Variants in RBM45 observed in about 807,000 individuals in gnomAD.
RBM45 encodes RNA binding motif protein 45.
In RBM45, 39 loss-of-function variants were observed where a neutral mutation model predicts 58.5. The ratio of observed to expected loss-of-function variants is 0.67; its 90% confidence interval spans 0.52 to 0.87. RBM45 has a LOEUF of 0.87. Ranked by LOEUF, RBM45 falls within the 40% of genes least tolerant of loss-of-function variation. The pLI, the probability that RBM45 is intolerant of heterozygous loss-of-function variation, is 0.00. For missense variants in RBM45, 481 were observed against 581.6 expected (o/e 0.83, Z 1.78); for synonymous variants, 193 against 203.0 (o/e 0.95, Z 0.42).
chr2:178,113,271 C>T (rs538776155), intron 1 of RBM45, among the ~76,000 whole-genome samples: 1 of 152,294 alleles, frequency 6.6e-6, no homozygotes, highest in South Asian at 2.1e-4. Flanking sequence ...TCTACTTTTC[C>T]TCAGGTACAG....
chr2:178,123,682 G>T, intron 6 of RBM45, 31 bp downstream of exon 6: 3 of 1,587,392 alleles, frequency 1.9e-6, no homozygotes, highest in South Asian at 2.3e-5. Flanking sequence ...GTCTAAAGCC[G>T]AGCTTTGAGT....
chr2:178,128,746 C>T (rs1348067776), intron 9 of RBM45, among the ~76,000 whole-genome samples: 1 of 152,138 alleles, frequency 6.6e-6, no homozygotes, highest in East Asian at 1.9e-4. Flanking sequence ...TTTTGAATTT[C>T]TTCTAATTGC....
chr2:178,120,865 A>C (rs2087840566), intron 4 of RBM45: 1 of 212,534 alleles, frequency 4.7e-6, no homozygotes, highest in Admixed American at 5.8e-5. Flanking sequence ...AATGAAAGTA[A>C]GGCCTGTGAA....
At chr2:178,121,437 CACACA>C in intron 5 of RBM45, 78 bp downstream of exon 5, 1 of 658,484 alleles carries the variant, frequency 1.5e-6, no homozygotes, top group Non-Finnish European at 2.2e-6. Context: ...CACACACACA[CACACA>C]CAGAGTTTTG....
Position 178,122,873 on chromosome 2 carries a change from G to A in RBM45, c.854-649G>A, listed in dbSNP as rs930564737. On this transcript the variant is annotated intron_variant, in intron 5 of 9. Coordinates refer to ENST00000286070, the MANE Select transcript of RBM45 (RefSeq NM_152945.4). ...CCCCAGTGGTTTGTATTATAAAAGT[G>A]AAAACCTTTTAGTTGTGTCACAAAC... is the stretch of plus-strand genomic sequence containing the variant. Among the ~76,000 whole-genome samples the A allele has an allele frequency of 1.6e-4, 24 of 152,178 alleles. No homozygotes were observed. The South Asian group carries it at 1.9e-3, about 12-fold the overall frequency.
At chr2:178,138,044 A>G (rs2088059141) in exon 4 of RBM45, 1 of 152,186 alleles carries the variant, frequency 6.6e-6, no homozygotes, top group African/African-American at 2.4e-5. Flanking sequence ...AGCTAAATTA[A>G]TATTTGAGTC....
chr2:178,118,343 G>A (rs984386977), intron 3 of RBM45, among the ~76,000 whole-genome samples, 162 bp downstream of exon 3: 2 of 152,202 alleles, frequency 1.3e-5, no homozygotes, highest in East Asian at 3.9e-4. Context: ...ATATTTTGGG[G>A]TTATGATTAA....
At chr2:178,121,467 C>T in intron 5 of RBM45, 108 bp downstream of exon 5, 1 of 551,726 alleles carries the variant, frequency 1.8e-6, no homozygotes. Context: ...AATGGCTTTT[C>T]TCTAGTGGCA....
At chr2:178,133,174 A>T (rs959284272), downstream of RBM45, among the ~76,000 whole-genome samples, 6 of 152,254 alleles carry the variant, frequency 3.9e-5, no homozygotes, top group Non-Finnish European at 7.3e-5. Flanking sequence ...AGTTAATATC[A>T]GTAAATATGA....
chr2:178,130,429 G>A (rs1026954610), downstream of RBM45, among the ~76,000 whole-genome samples: 1 of 152,250 alleles, frequency 6.6e-6, no homozygotes, highest in African/African-American at 2.4e-5. Context: ...GAAAGCTGAA[G>A]CGGAAGGATT....
chr2:178,116,725 C>T (rs753043129), intron 2 of RBM45, among the ~76,000 whole-genome samples: 3 of 152,136 alleles, frequency 2.0e-5, no homozygotes, highest in East Asian at 1.9e-4. Flanking sequence ...CCCAGGCTGT[C>T]GGAGTCTGGA....
chr2:178,124,299 G>GT lies in RBM45; in HGVS notation c.1232+11dup, dbSNP rs548948475. 243 of 1,487,850 alleles carry GT rather than the reference G, an allele frequency of 1.6e-4. 3 individuals are homozygous for GT. In the East Asian group the frequency reaches 5.6e-3, roughly 34 times the overall value. 92.2% of individuals were successfully genotyped at this position (1,487,850 alleles called of 1,614,324 possible). A position where few individuals can be genotyped will look rare whatever the true frequency, so the allele number is the denominator to read the frequency against. ...TTAGAAGATATATTCTGGTAAGAAA[G>GT]TTACATTTTTTGTTATATTTTATTT... On this transcript the variant is annotated intron_variant, in intron 8 of 9. Coordinates refer to ENST00000286070, the MANE Select transcript of RBM45 (RefSeq NM_152945.4).
rs1179591414 is a variant in RBM45, at chr2:178,123,826, A to C, written c.984-2A>C. Reference sequence around the variant, plus strand: ...CTGTAAATTATCAGTTATTTTTTCCAGTCTCCTTAGAAAAATGGCAACACA... The same window carrying C: ...CTGTAAATTATCAGTTATTTTTTCCCGTCTCCTTAGAAAAATGGCAACACA... On this transcript the variant is annotated splice_acceptor_variant, in intron 6 of 9. Coordinates refer to ENST00000286070, the MANE Select transcript of RBM45 (RefSeq NM_152945.4). LOFTEE classifies it high-confidence loss of function. 6.2e-7 allele frequency: 1 copy of C among 1,613,342 alleles called. No homozygotes were observed.
intron 9 of RBM45, among the ~76,000 whole-genome samples, chr2:178,127,616 G>T (rs1406660051): frequency 6.6e-6 from 1 of 152,086 alleles, no homozygotes; most frequent in Admixed American, 6.5e-5. Context: ...CACTCTCATT[G>T]TACCATACAT....
intron 3 of RBM45, 76 bp downstream of exon 3, chr2:178,118,257 G>GCAAAAACTAATATTAAA: frequency 7.2e-7 from 1 of 1,395,076 alleles, no homozygotes; most frequent in Non-Finnish European, 9.7e-7. Context: ...TTTAATATTA[G>GCAAAAACTAATATTAAA]TTTTTGCTAA....
chr2:178,137,476 A>G (rs2088054498), exon 4 of RBM45: 1 of 152,192 alleles, frequency 6.6e-6, no homozygotes, highest in Non-Finnish European at 1.5e-5. Context: ...AACAACCCCA[A>G]TGTCCATGAA....
In RBM45 at chr2:178,120,371, C is replaced by A; in HGVS notation, c.635C>A (p.Ala212Asp). The part of the protein sequence containing the change: ...QDYYSNMRQE[A>D]LGHEPRVNMF... ...TATTATAGTAATATGAGGCAAGAAGCTTTGGGACATGAACCTAGAGTAAAT... is the reference window on the plus strand; with the variant it reads ...TATTATAGTAATATGAGGCAAGAAGATTTGGGACATGAACCTAGAGTAAAT... The change falls in exon 4 of 10, where the codon GCT becomes GAT. Residue 212 changes from alanine (A) to aspartate (D), a missense_variant. Coordinates refer to ENST00000286070, the MANE Select transcript of RBM45 (RefSeq NM_152945.4). 1.9e-6 allele frequency: 3 copies of A among 1,613,006 alleles called. No individual in the cohort carries two copies. Among genetic ancestry groups the A allele is most frequent in the Non-Finnish European group, 2.5e-6 (3 of 1,179,454 alleles).
intron 1 of RBM45, among the ~76,000 whole-genome samples, chr2:178,114,812 G>A (rs911595770): frequency 6.6e-6 from 1 of 151,966 alleles, no homozygotes; most frequent in African/African-American, 2.4e-5. Flanking sequence ...GCCTAAGCAG[G>A]TCTCAAGCTC....
intron 1 of RBM45, 49 bp downstream of exon 1, chr2:178,112,895 T>C: frequency 1.3e-6 from 2 of 1,558,106 alleles, no homozygotes; most frequent in South Asian, 1.2e-5. Flanking sequence ...GTGGGCCTCT[T>C]GGACCTCCCT....
Sources: allele counts gnomAD v4.1 joint callset (sites outside exome capture counted in the v4.1 genomes callset), GRCh38; gene constraint gnomAD v4.1.1; transcripts MANE v1.5; gene names NCBI Gene and HGNC (gene_info 2026-07-23, HGNC 2026-07-21).